Variants in CNTNAP5 observed in about 807,000 individuals in gnomAD.
The protein encoded by CNTNAP5 is contactin associated protein family member 5, also known as contactin-associated protein-like 5.
CNTNAP5 carries 72 observed loss-of-function variants against 150.2 expected under a neutral mutation model. The observed-to-expected ratio is 0.48, with a 90% confidence interval of 0.40 to 0.58. The LOEUF is 0.58. CNTNAP5 is among the 20% of genes least tolerant of loss of function. The probability of loss-of-function intolerance (pLI) is 0.00; values close to 1 mark genes in which losing one functional copy is unlikely to be tolerated. For missense variants in CNTNAP5, 1,636 were observed against 1,626.2 expected (o/e 1.01, Z -0.10); for synonymous variants, 672 against 619.8 (o/e 1.08, Z -1.25).
intron 17 of CNTNAP5, among the ~76,000 whole-genome samples, chr2:124,779,671 G>T (rs1187584032): frequency 6.6e-6 from 1 of 152,156 alleles, no homozygotes; most frequent in African/African-American, 2.4e-5. Context: ...CATGCTAATA[G>T]GTTATTAAGA....
At chr2:124,174,719 T>A (rs780035875) in intron 1 of CNTNAP5, among the ~76,000 whole-genome samples, 1 of 152,202 alleles carries the variant, frequency 6.6e-6, no homozygotes, top group Non-Finnish European at 1.5e-5. Context: ...ATTTAGAATA[T>A]GAATTTGAGA....
At chr2:124,283,962 G>A (rs1399987668) in intron 3 of CNTNAP5, among the ~76,000 whole-genome samples, 1 of 152,186 alleles carries the variant, frequency 6.6e-6, no homozygotes, top group Non-Finnish European at 1.5e-5. Context: ...CAGTACTGGG[G>A]TAGGGAAGAC....
At chr2:124,685,488 A>G (rs1209066825) in intron 13 of CNTNAP5, among the ~76,000 whole-genome samples, 1 of 152,158 alleles carries the variant, frequency 6.6e-6, no homozygotes, top group Admixed American at 6.6e-5. Context: ...CTTCATTGAA[A>G]GAAAAATAGT....
intron 3 of CNTNAP5, among the ~76,000 whole-genome samples, chr2:124,402,597 G>T (rs1436681615): frequency 1.3e-5 from 2 of 152,184 alleles, no homozygotes; most frequent in Non-Finnish European, 2.9e-5. Context: ...AAAGCAAGCA[G>T]GGTGGCAAGT....
intron 12 of CNTNAP5, among the ~76,000 whole-genome samples, chr2:124,634,887 TA>T (rs1321162789): frequency 6.6e-6 from 1 of 152,174 alleles, no homozygotes; most frequent in Non-Finnish European, 1.5e-5. Flanking sequence ...CAAAACAATT[TA>T]ACAAGTCTCT....
At chr2:124,167,479 T>C (rs539461787) in intron 1 of CNTNAP5, among the ~76,000 whole-genome samples, 1 of 152,166 alleles carries the variant, frequency 6.6e-6, no homozygotes, top group African/African-American at 2.4e-5. Context: ...GCATAAAAAT[T>C]CTTGAAAAAA....
chr2:124,400,685 T>TTTG lies in CNTNAP5; in HGVS notation c.382-16756_382-16755insGTT, dbSNP rs1553464896. Among the ~76,000 whole-genome samples, 1,335 of 140,930 alleles carry TTTG rather than the reference T, an allele frequency of 9.5e-3. 4 individuals carry two copies. Among genetic ancestry groups the TTTG allele is most frequent in the Middle Eastern group, 0.019 (5 of 262 alleles). 92.5% of individuals were successfully genotyped at this position (140,930 alleles called of 152,430 possible). ...AAAGGCATTGTTTTTTTTTTTTTTT[T>TTTG]TTTGTTTTTTTTCTTTAGTGGAATG... On this transcript the variant is annotated intron_variant, in intron 3 of 23. Coordinates refer to ENST00000682447, the MANE Select transcript of CNTNAP5 (RefSeq NM_001367498.1).
chr2:124,852,530 T>C (rs1471693592), intron 19 of CNTNAP5, among the ~76,000 whole-genome samples: 2 of 152,214 alleles, frequency 1.3e-5, no homozygotes, highest in Non-Finnish European at 2.9e-5. Flanking sequence ...ATGATATAGT[T>C]TCTTGCAGAC....
chr2:124,847,412 C>A (rs1206229224), intron 19 of CNTNAP5, among the ~76,000 whole-genome samples: 1 of 152,120 alleles, frequency 6.6e-6, no homozygotes, highest in Non-Finnish European at 1.5e-5. Context: ...CAGTCACAGG[C>A]CTCACCCCAC....
At chr2:124,658,302 C>T (rs1434488283) in intron 13 of CNTNAP5, among the ~76,000 whole-genome samples, 1 of 152,124 alleles carries the variant, frequency 6.6e-6, no homozygotes, top group Non-Finnish European at 1.5e-5. Context: ...TGAGATGTTA[C>T]TGATGTTTTA....
chr2:124,541,179 A>ATTGTTTTTTTTTTTTTTTTTTTTTTTTT (rs1695373335), intron 10 of CNTNAP5, among the ~76,000 whole-genome samples: 1 of 83,082 alleles, frequency 1.2e-5, no homozygotes, highest in Non-Finnish European at 2.3e-5. Flanking sequence ...CAAAATTCCG[A>ATTGTTTTTTTTTTTTTTTTTTTTTTTTT]TTTTTTTTTT....
In CNTNAP5 at chr2:124,255,579, TAA is replaced by T. The variant is rs1165638147; in HGVS notation, c.381+13189_381+13190del. Among the ~76,000 whole-genome samples, 374 of 67,540 alleles carry T rather than the reference TAA, an allele frequency of 5.5e-3. 1 individual carries two copies. Among genetic ancestry groups the T allele is most frequent in the Admixed American group, 9.9e-3 (59 of 5,936 alleles). 44.3% of individuals were successfully genotyped at this position (67,540 alleles called of 152,430 possible). A position where few individuals can be genotyped will look rare whatever the true frequency, so the allele number is the denominator to read the frequency against. On this transcript the variant is annotated intron_variant, in intron 3 of 23. Coordinates refer to ENST00000682447, the MANE Select transcript of CNTNAP5 (RefSeq NM_001367498.1). The stretch of plus-strand genomic sequence containing the variant: ...TAAAATAAAATAAAATAAAATAAAA[TAA>T]AATAATAATTTTTTTTTAAAAAGTA...
At chr2:124,302,661 C>T (rs1688594474) in intron 3 of CNTNAP5, among the ~76,000 whole-genome samples, 1 of 152,190 alleles carries the variant, frequency 6.6e-6, no homozygotes, top group Admixed American at 6.5e-5. Context: ...TTATCAGTCC[C>T]CACCTCCCAA....
intron 19 of CNTNAP5, among the ~76,000 whole-genome samples, chr2:124,823,911 AT>A (rs541198111): frequency 2.3e-4 from 33 of 143,074 alleles, no homozygotes; most frequent in South Asian, 2.0e-3. Flanking sequence ...GACAGTTCTG[AT>A]TTTTTTTTTC....
chr2:124,572,761 A>G (rs1327653255), intron 11 of CNTNAP5, among the ~76,000 whole-genome samples: 1 of 152,186 alleles, frequency 6.6e-6, no homozygotes, highest in Non-Finnish European at 1.5e-5. Context: ...CGGCTCTTCA[A>G]ACAACTAGAC....
chr2:124,395,956 C>T (rs1302025719), intron 3 of CNTNAP5, among the ~76,000 whole-genome samples: 4 of 152,126 alleles, frequency 2.6e-5, no homozygotes, highest in Non-Finnish European at 4.4e-5. Context: ...GCCCCAGAGT[C>T]CATCATCAAC....
chr2:124,196,544 T>C (rs1422888204), intron 1 of CNTNAP5, among the ~76,000 whole-genome samples: 1 of 152,174 alleles, frequency 6.6e-6, no homozygotes, highest in African/African-American at 2.4e-5. Context: ...CATTATCCCA[T>C]ACTCCTTAAC....
At chr2:124,507,635 T>C (rs2104866980) in intron 8 of CNTNAP5, among the ~76,000 whole-genome samples, 1 of 152,248 alleles carries the variant, frequency 6.6e-6, no homozygotes, top group East Asian at 1.9e-4. Context: ...AATGTTTTTT[T>C]CAGACTTTTA....
At chr2:124,851,010 C>A (rs1362549298) in intron 19 of CNTNAP5, among the ~76,000 whole-genome samples, 1 of 152,130 alleles carries the variant, frequency 6.6e-6, no homozygotes, top group African/African-American at 2.4e-5. Flanking sequence ...GTATAGATAA[C>A]GCCTTAAAAG....
Sources: gnomAD v4.1 joint callset for allele counts (sites outside exome capture counted in the v4.1 genomes callset) on GRCh38, gnomAD v4.1.1 for gene constraint, MANE v1.5 for transcripts, NCBI Gene and HGNC (gene_info 2026-07-23, HGNC 2026-07-21) for gene names.